Variants in KATNAL1 observed in about 807,000 individuals in gnomAD.
The protein encoded by KATNAL1 is katanin p60 ATPase-containing subunit A-like 1.
Under a neutral mutation model 55.2 loss-of-function variants are expected in KATNAL1, and 32 were observed. That is an observed-to-expected ratio of 0.58 (90% CI 0.44 to 0.78). KATNAL1 has a LOEUF of 0.78. KATNAL1 is among the 30% of genes least tolerant of loss of function. The pLI is 0.00. For synonymous variants in KATNAL1, 193 were observed against 193.6 expected, an observed-to-expected ratio of 1.00 and a Z score of 0.02; for missense variants, 466 against 600.9, an observed-to-expected ratio of 0.78 and a Z score of 2.35.
chr13:30,246,782 C>A (rs1004543277), intron 4 of KATNAL1, among the ~76,000 whole-genome samples: 1 of 152,104 alleles, frequency 6.6e-6, no homozygotes, highest in Admixed American at 6.5e-5. Flanking sequence ...GGCCAACAAA[C>A]ATGAAAAAAG....
Position 30,277,875 on chromosome 13 carries a change from T to C in KATNAL1, c.323+2188A>G, listed in dbSNP as rs565731669. On this transcript the variant is annotated intron_variant, in intron 3 of 10. Transcript: ENST00000380615. ...GCGGGCGCCTGTAGTCCCAGCTACT[T>C]GGGAGGCTGAGGCAGGAGAATGGCG... Among the ~76,000 whole-genome samples the C allele has an allele frequency of 2.5e-4, 36 of 144,346 alleles. No homozygotes were observed. The Middle Eastern group carries it at 0.015, about 60-fold the overall frequency. The allele number at this position is 144,346 out of a possible 152,430, so 94.7% of individuals were successfully genotyped here.
At chr13:30,239,160 A>G (rs867836047) in intron 6 of KATNAL1, among the ~76,000 whole-genome samples, 2 of 152,188 alleles carry the variant, frequency 1.3e-5, no homozygotes, top group Non-Finnish European at 2.9e-5. Context: ...TTGTAATCCC[A>G]GCACTTCGGG....
Position 30,208,655 on chromosome 13 carries a change from TG to T in KATNAL1, c.1357del (p.Gln453ArgfsTer13). ...AAAGTCTCCTTTGGTAACAGGCATC[TG>T]AAGTTCCTCTTTAGAAAGTGCACGG... ...EIRALSKEELQMPVTKGDFEL... is the reference protein window; with the variant it reads ...EIRALSKEELXMPVTKGDFEL... On this transcript the variant is annotated frameshift_variant, in exon 11 of 11. Transcript: ENST00000380615. LOFTEE classifies it high-confidence loss of function. 1 of 1,614,080 alleles carries T rather than the reference TG, an allele frequency of 6.2e-7. No individual in the cohort carries two copies. The highest frequency in any genetic ancestry group is 8.5e-7 in the Non-Finnish European group (1 of 1,179,950).
Position 30,203,549 on chromosome 13 carries a change from A to AT in KATNAL1, c.*4990dup, listed in dbSNP as rs1201525314. On this transcript the variant is annotated 3_prime_UTR_variant, in exon 11 of 11. Transcript: ENST00000380615. ...GGAAACTTCTCTATACAAATTCCCT[A>AT]TTTTTTTGTGTCAAATTTCCATATG... 3.3e-5 allele frequency: 5 copies of AT among 152,302 alleles called. No homozygotes were observed. Among genetic ancestry groups the AT allele is most frequent in the East Asian group, 3.9e-4 (2 of 5,194 alleles). The allele number at this position is 152,302 out of a possible 1,614,324, so 9.4% of individuals were successfully genotyped here.
chr13:30,280,266 T>C, intron 2 of KATNAL1, 43 bp from the exon 3 acceptor site: 1 of 1,466,496 alleles, frequency 6.8e-7, no homozygotes, highest in Non-Finnish European at 9.2e-7. Flanking sequence ...GCTGTTTAAA[T>C]ACTTCATAAA....
At chr13:30,215,093 C>T (rs979133728) in intron 9 of KATNAL1, among the ~76,000 whole-genome samples, 5 of 150,972 alleles carry the variant, frequency 3.3e-5, no homozygotes, top group African/African-American at 1.2e-4. Context: ...AACAAACAAC[C>T]CCATCAAAAA....
chr13:30,275,788 AT>A (rs1880796903), intron 3 of KATNAL1, among the ~76,000 whole-genome samples: 2 of 151,668 alleles, frequency 1.3e-5, no homozygotes, highest in African/African-American at 2.4e-5. Context: ...TTCAAAAAAT[AT>A]ATATATATAT....
intron 9 of KATNAL1, among the ~76,000 whole-genome samples, chr13:30,215,382 A>C (rs1874114085): frequency 6.6e-6 from 1 of 152,188 alleles, no homozygotes; most frequent in Admixed American, 6.5e-5. Context: ...CCTCAGGGAT[A>C]TACAACTACA....
rs113043297 is a variant in KATNAL1 at position 30,279,868 on chromosome 13, G to C, written c.323+195C>G. Among the ~76,000 whole-genome samples the C allele has an allele frequency of 8.7e-3, 1,326 of 152,252 alleles. 27 individuals carry two copies. Among genetic ancestry groups the C allele is most frequent in the African/African-American group, 0.03 (1,259 of 41,536 alleles). ...ATTAGCGTAATAAAGCATTCTAAAA[G>C]CAAGATATGTAACAAGTCATTTACT... On this transcript the variant is annotated intron_variant, in intron 3 of 10. Coordinates refer to ENST00000380615, the MANE Select transcript of KATNAL1 (RefSeq NM_032116.5).
At chr13:30,241,187 T>C in intron 4 of KATNAL1, 101 bp from the exon 5 acceptor site, 1 of 1,077,630 alleles carries the variant, frequency 9.3e-7, no homozygotes, top group Non-Finnish European at 1.3e-6. Context: ...TTCTAAATAA[T>C]TTTTATTATT....
At chr13:30,217,900 T>C (rs1415652976) in intron 9 of KATNAL1, among the ~76,000 whole-genome samples, 2 of 152,070 alleles carry the variant, frequency 1.3e-5, no homozygotes. Context: ...AGTGTCCTTT[T>C]CCTGAGGGAC....
In KATNAL1 at chr13:30,203,231, A is replaced by T. The variant is rs1022533880; in HGVS notation, c.*5309T>A. 4 of 152,256 alleles carry T rather than the reference A, an allele frequency of 2.6e-5. No individual in the cohort carries two copies. Among genetic ancestry groups the T allele is most frequent in the Non-Finnish European group, 5.9e-5 (4 of 68,046 alleles). The allele number at this position is 152,256 out of a possible 1,614,324, so 9.4% of individuals were successfully genotyped here. A position where few individuals can be genotyped will look rare whatever the true frequency, so the allele number is the denominator to read the frequency against. ...ATACAAACACTTTGCTAGAGAAAGA[A>T]AGATGGAATATTTTAAACAATTTCA... On this transcript the variant is annotated 3_prime_UTR_variant, in exon 11 of 11. Transcript: ENST00000380615.
intron 2 of KATNAL1, among the ~76,000 whole-genome samples, chr13:30,280,891 C>A (rs1881230619): frequency 6.6e-6 from 1 of 151,766 alleles, no homozygotes; most frequent in African/African-American, 2.4e-5. Context: ...ACTTTGAGCC[C>A]AAACTAATTT....
At chr13:30,293,346 G>A (rs1472285186) in intron 1 of KATNAL1, among the ~76,000 whole-genome samples, 2 of 151,916 alleles carry the variant, frequency 1.3e-5, no homozygotes, top group African/African-American at 4.8e-5. Context: ...CAAGTCTTAA[G>A]TGTGCAGCTC....
intron 6 of KATNAL1, among the ~76,000 whole-genome samples, chr13:30,239,765 A>C (rs1180289036): frequency 2.0e-5 from 3 of 149,552 alleles, no homozygotes; most frequent in Non-Finnish European, 4.4e-5. Flanking sequence ...GGCTCATTGC[A>C]AACTCCAACT....
At chr13:30,295,922 G>A in intron 1 of KATNAL1, among the ~76,000 whole-genome samples, 1 of 151,836 alleles carries the variant, frequency 6.6e-6, no homozygotes, top group Non-Finnish European at 1.5e-5. Flanking sequence ...AATTGCCCTG[G>A]GCCAGGCACA....
chr13:30,218,337 A>G (rs774853145), intron 9 of KATNAL1, among the ~76,000 whole-genome samples: 4 of 151,944 alleles, frequency 2.6e-5, no homozygotes, highest in Non-Finnish European at 4.4e-5. Context: ...AACTAAATGA[A>G]GAGAGGTTGA....
intron 3 of KATNAL1, among the ~76,000 whole-genome samples, chr13:30,277,446 A>C (rs1229577322): frequency 6.6e-6 from 1 of 152,232 alleles, no homozygotes; most frequent in African/African-American, 2.4e-5. Context: ...CAATCTCATC[A>C]ACTCAAGTCA....
chr13:30,229,287 T>C (rs1291892649), intron 8 of KATNAL1, among the ~76,000 whole-genome samples: 1 of 152,002 alleles, frequency 6.6e-6, no homozygotes, highest in Non-Finnish European at 1.5e-5. Context: ...GTGCCTCTCC[T>C]GTGTTTTCCA....
Sources: allele counts gnomAD v4.1 joint callset (sites outside exome capture counted in the v4.1 genomes callset), GRCh38; gene constraint gnomAD v4.1.1; transcripts MANE v1.5; gene names NCBI Gene and HGNC (gene_info 2026-07-23, HGNC 2026-07-21).